PSMA6: variants seen among roughly 807,000 people sequenced by gnomAD.
The protein encoded by PSMA6 is proteasome 20S subunit alpha 6, also known as proteasome subunit alpha type-6.
For synonymous variants in PSMA6, 88 were observed against 97.7 expected (o/e 0.90, Z 0.59); for missense variants, 170 against 294.8 (o/e 0.58, Z 3.10).
At chr14:35,302,393 C>CA (rs903061753) in intron 1 of PSMA6, among the ~76,000 whole-genome samples, 1 of 151,578 alleles carries the variant, frequency 6.6e-6, no homozygotes, top group Non-Finnish European at 1.5e-5. Flanking sequence ...GGTGTTTAAA[C>CA]AACACACACT....
chr14:35,287,003 A>C (rs148220524), intron 1 of PSMA6, among the ~76,000 whole-genome samples: 1 of 152,276 alleles, frequency 6.6e-6, no homozygotes, highest in Non-Finnish European at 1.5e-5. Context: ...TTGGTGCTCC[A>C]TTTGTCCGTT....
chr14:35,288,445 C>A (rs2051443471), upstream of PSMA6, among the ~76,000 whole-genome samples: 1 of 152,196 alleles, frequency 6.6e-6, no homozygotes, highest in African/African-American at 2.4e-5. Flanking sequence ...TTGCAATGAG[C>A]CGAGATCGTG....
intron 1 of PSMA6, among the ~76,000 whole-genome samples, chr14:35,293,914 A>G (rs1250950293): frequency 6.6e-6 from 1 of 152,260 alleles, no homozygotes; most frequent in Non-Finnish European, 1.5e-5. Context: ...GCCATAAAGC[A>G]TAATCGTTAA....
intron 1 of PSMA6, 160 bp downstream of exon 1, chr14:35,292,712 C>CGCAA: frequency 7.5e-7 from 1 of 1,332,510 alleles, no homozygotes; most frequent in Non-Finnish European, 1.0e-6. Context: ...GGTGTTTGCA[C>CGCAA]CCCCGTCTGG....
intron 1 of PSMA6, among the ~76,000 whole-genome samples, chr14:35,281,382 A>T (rs1242165882): frequency 2.0e-5 from 3 of 152,100 alleles, no homozygotes; most frequent in Non-Finnish European, 4.4e-5. Context: ...AATCTCCTGG[A>T]GCCTTCATTT....
At chr14:35,283,306 C>A (rs12885116) in intron 1 of PSMA6, among the ~76,000 whole-genome samples, 1 of 147,562 alleles carries the variant, frequency 6.8e-6, no homozygotes, top group African/African-American at 2.5e-5. Flanking sequence ...GTGGGAGAAT[C>A]TTTTGAGCCC....
intron 1 of PSMA6, among the ~76,000 whole-genome samples, chr14:35,285,816 T>G (rs947802644): frequency 2.0e-5 from 3 of 152,222 alleles, no homozygotes; most frequent in African/African-American, 7.2e-5. Context: ...ATCTTGCAGT[T>G]CCATCCCCCA....
At chr14:35,307,880 T>C in intron 1 of PSMA6, 114 bp from the exon 2 acceptor site, 1 of 923,302 alleles carries the variant, frequency 1.1e-6, no homozygotes. Flanking sequence ...TGGAATGCTA[T>C]ATGAGCATTC....
At chr14:35,307,070 C>T (rs1431479696) in intron 1 of PSMA6, among the ~76,000 whole-genome samples, 2 of 152,132 alleles carry the variant, frequency 1.3e-5, no homozygotes, top group Non-Finnish European at 2.9e-5. Context: ...ATCACTTGAA[C>T]CTGGGAAGCG....
chr14:35,301,882 G>A (rs1430595918), intron 1 of PSMA6, among the ~76,000 whole-genome samples: 1 of 152,126 alleles, frequency 6.6e-6, no homozygotes. Flanking sequence ...TGCTTACACA[G>A]ACCAGATAAG....
At chr14:35,278,670 C>G in exon 1 of PSMA6, 2 of 1,535,006 alleles carry the variant, frequency 1.3e-6, no homozygotes, top group Non-Finnish European at 1.7e-6. Context: ...GAGCCTCCAC[C>G]TCATGAAGTA....
In PSMA6 at chr14:35,317,324, C is replaced by G; in HGVS notation, c.*18C>G. The stretch of plus-strand genomic sequence containing the variant: ...GAGACTAAACATTGTCGTTAGTTTA[C>G]CAGATCCGTGATGCCACTTACCTGT... On this transcript the variant is annotated 3_prime_UTR_variant, in exon 7 of 7. Transcript: ENST00000261479. 6.3e-7 allele frequency: 1 copy of G among 1,592,354 alleles called. No homozygotes were observed. Among genetic ancestry groups the G allele is most frequent in the Non-Finnish European group, 8.6e-7 (1 of 1,161,928 alleles).
At chr14:35,298,471 CAA>C (rs2051642944) in intron 1 of PSMA6, among the ~76,000 whole-genome samples, 1 of 149,216 alleles carries the variant, frequency 6.7e-6, no homozygotes, top group Admixed American at 6.7e-5. Context: ...GCCTGGGCAA[CAA>C]AGTGAGACTC....
chr14:35,314,091 G>A (rs767313939), intron 5 of PSMA6: 4 of 191,134 alleles, frequency 2.1e-5, no homozygotes, highest in Admixed American at 6.0e-5. Context: ...GCTAAGTGAA[G>A]TGTAGTGCCT....
intron 1 of PSMA6, among the ~76,000 whole-genome samples, chr14:35,295,319 C>T (rs962792747): frequency 2.0e-5 from 3 of 149,346 alleles, no homozygotes; most frequent in African/African-American, 5.0e-5. Context: ...GACTGGGTGA[C>T]AGAGCTAGAC....
chr14:35,280,401 A>ATTTTTT (rs2051354049), intron 1 of PSMA6, among the ~76,000 whole-genome samples: 1 of 136,300 alleles, frequency 7.3e-6, no homozygotes, highest in African/African-American at 2.8e-5. Context: ...CTTTTTCTTG[A>ATTTTTT]GATGGAGTCT....
chr14:35,310,327 T>C (rs1420290728), intron 3 of PSMA6: 3 of 367,728 alleles, frequency 8.2e-6, no homozygotes, highest in Non-Finnish European at 1.6e-5. Flanking sequence ...CAGCTAATTT[T>C]ATGTTTTTAG....
chr14:35,296,516 A>C (rs938868070), intron 1 of PSMA6, among the ~76,000 whole-genome samples: 1 of 151,896 alleles, frequency 6.6e-6, no homozygotes, highest in Non-Finnish European at 1.5e-5. Flanking sequence ...TTTTTTGTAG[A>C]AACAGGGTTT....
chr14:35,303,612 A>C (rs1392105644), intron 1 of PSMA6, among the ~76,000 whole-genome samples: 1 of 152,102 alleles, frequency 6.6e-6, no homozygotes, highest in Non-Finnish European at 1.5e-5. Context: ...TAGAGTTAGT[A>C]CTTTTTATTT....
Sources: gnomAD v4.1 joint callset for allele counts (sites outside exome capture counted in the v4.1 genomes callset) on GRCh38, gnomAD v4.1.1 for gene constraint, MANE v1.5 for transcripts, NCBI Gene and HGNC (gene_info 2026-07-23, HGNC 2026-07-21) for gene names.